AGBL4: variants seen among roughly 807,000 people sequenced by gnomAD.
The protein encoded by AGBL4 is AGBL carboxypeptidase 4.
In AGBL4, 58 loss-of-function variants were observed where a neutral mutation model predicts 66.4. The ratio of observed to expected loss-of-function variants is 0.87; its 90% CI spans 0.71 to 1.09. AGBL4 has a LOEUF of 1.09. AGBL4 is among the 50% of genes least tolerant of loss of function. The pLI, the probability that AGBL4 is intolerant of heterozygous loss-of-function variation, is 0.00. For missense variants in AGBL4, 579 were observed against 631.0 expected (o/e 0.92, Z 0.88); for synonymous variants, 234 against 222.9 (o/e 1.05, Z -0.44).
In AGBL4 at chr1:48,546,864, A is replaced by AC. The variant is rs1553185398; in HGVS notation, c.1268-7127_1268-7126insG. Among the ~76,000 whole-genome samples, 1,008 of 128,366 alleles carry AC rather than the reference A, an allele frequency of 7.9e-3. 6 individuals are homozygous for AC. The highest frequency in any genetic ancestry group is 0.01 in the African/African-American group (346 of 34,578). 84.2% of individuals were successfully genotyped at this position (128,366 alleles called of 152,430 possible). Reference sequence around the variant, plus strand: ...AAATAGCGAGGTAGTAAAACAAACAAACACACACACACACACACACACACA... The same window carrying AC: ...AAATAGCGAGGTAGTAAAACAAACAACACACACACACACACACACACACACA... On this transcript the variant is annotated intron_variant, in intron 11 of 13. Transcript: ENST00000371839.
chr1:48,974,654 C>G (rs1659172886), intron 5 of AGBL4, among the ~76,000 whole-genome samples: 1 of 152,062 alleles, frequency 6.6e-6, no homozygotes, highest in African/African-American at 2.4e-5. Flanking sequence ...ATTTGACTCA[C>G]CTATTTGGCG....
chr1:49,432,489 A>T (rs1409269176), intron 3 of AGBL4, among the ~76,000 whole-genome samples: 1 of 152,178 alleles, frequency 6.6e-6, no homozygotes, highest in Non-Finnish European at 1.5e-5. Context: ...ATACTACTGC[A>T]TATAGAACTT....
At chr1:48,928,856 A>G (rs900829072) in intron 5 of AGBL4, among the ~76,000 whole-genome samples, 3 of 152,224 alleles carry the variant, frequency 2.0e-5, no homozygotes, top group Non-Finnish European at 2.9e-5. Context: ...CTGAACTAAT[A>G]ATTTACTTTC....
chr1:48,959,794 G>C (rs1657803279), intron 5 of AGBL4, among the ~76,000 whole-genome samples: 1 of 152,224 alleles, frequency 6.6e-6, no homozygotes, highest in Admixed American at 6.5e-5. Flanking sequence ...AAAGAGGCCA[G>C]TGTGGCTACA....
rs958850528 is a variant in AGBL4 at position 49,967,253 on chromosome 1, C to T, written c.34+56510G>A. Among the ~76,000 whole-genome samples the T allele has an allele frequency of 3.3e-5, 5 of 152,088 alleles. No individual in the cohort carries two copies. In the South Asian group the frequency reaches 8.3e-4, roughly 25 times the overall value. On this transcript the variant is annotated intron_variant, in intron 1 of 13. Transcript: ENST00000371839. ...GTTTTGATTTGCATTTCTCTAATGA[C>T]CAGTGAACCGAAATGTCCATCAATA... is the stretch of plus-strand genomic sequence containing the variant.
intron 4 of AGBL4, among the ~76,000 whole-genome samples, chr1:49,173,363 C>T (rs61783577): frequency 1.3e-5 from 2 of 152,148 alleles, no homozygotes; most frequent in Admixed American, 6.5e-5. Flanking sequence ...TTAACTCCTC[C>T]AAACCCAATA....
At chr1:49,181,667 C>A (rs1646933081) in intron 4 of AGBL4, among the ~76,000 whole-genome samples, 1 of 152,208 alleles carries the variant, frequency 6.6e-6, no homozygotes, top group Non-Finnish European at 1.5e-5. Flanking sequence ...TGTGTCTCAT[C>A]TCCCTGGGAG....
intron 2 of AGBL4, among the ~76,000 whole-genome samples, chr1:49,713,036 T>G (rs1647794400): frequency 6.6e-6 from 1 of 152,042 alleles, no homozygotes; most frequent in Non-Finnish European, 1.5e-5. Flanking sequence ...TGTCTTCAAG[T>G]AAAAGTAACG....
intron 4 of AGBL4, among the ~76,000 whole-genome samples, chr1:49,100,135 G>T (rs1042455378): frequency 7.2e-5 from 11 of 152,298 alleles, no homozygotes; most frequent in Admixed American, 3.9e-4. Context: ...GTTCAAACCT[G>T]CTGAAGGAGG....
chr1:49,141,466 G>C (rs1433205854), intron 4 of AGBL4, among the ~76,000 whole-genome samples: 1 of 152,100 alleles, frequency 6.6e-6, no homozygotes, highest in Non-Finnish European at 1.5e-5. Flanking sequence ...CAGAGGAGAA[G>C]ACATGGTGCT....
chr1:49,537,152 G>C (rs1651660334), intron 3 of AGBL4, among the ~76,000 whole-genome samples: 1 of 152,100 alleles, frequency 6.6e-6, no homozygotes, highest in Non-Finnish European at 1.5e-5. Flanking sequence ...ACTCAAGATG[G>C]AATAAAGACT....
At position 48,668,003 on chromosome 1, in the gene AGBL4, T is replaced by TTTGTTGTTG. The variant is rs35572126; in HGVS notation, c.635-4771_635-4763dup. ...GTGGAATGTTATAATGGGGGAAGCA[T>TTTGTTGTTG]TTGTTGTTGTTGTTGTTGTTGTTGT... On this transcript the variant is annotated intron_variant, in intron 6 of 13. Transcript: ENST00000371839. Among the ~76,000 whole-genome samples the TTTGTTGTTG allele has an allele frequency of 1.2e-3, 178 of 150,216 alleles. No homozygotes were observed. The Middle Eastern group carries it at 0.021, about 17-fold the overall frequency.
rs367825761 is a variant in AGBL4, at chr1:49,372,178, T to C, written c.283-126314A>G. 2.2e-4 allele frequency among the ~76,000 whole-genome samples: 33 copies of C among 152,306 alleles called. 1 individual carries two copies. The East Asian group carries it at 4.0e-3, about 19-fold the overall frequency. On this transcript the variant is annotated intron_variant, in intron 3 of 13. Transcript: ENST00000371839. ...TGAGCAATGTTTTCCATTTTGAGCA[T>C]GCAGTATGCATCCCAGAACGCTCAA...
At chr1:48,807,733 A>C (rs1421661124) in intron 6 of AGBL4, among the ~76,000 whole-genome samples, 1 of 152,160 alleles carries the variant, frequency 6.6e-6, no homozygotes, top group Non-Finnish European at 1.5e-5. Flanking sequence ...TCTTGCACAC[A>C]TCTGCATATC....
chr1:48,732,365 T>C (rs1413446951), intron 6 of AGBL4, among the ~76,000 whole-genome samples: 1 of 152,218 alleles, frequency 6.6e-6, no homozygotes. Context: ...TTGGGAATCA[T>C]CATTCATTGA....
intron 2 of AGBL4, among the ~76,000 whole-genome samples, chr1:49,820,774 C>T (rs775975611): frequency 5.3e-5 from 8 of 152,120 alleles, no homozygotes; most frequent in African/African-American, 1.7e-4. Context: ...TGCTGAATAA[C>T]CAAAAGTTAA....
chr1:48,579,465 T>C (rs1644703360), intron 11 of AGBL4, among the ~76,000 whole-genome samples: 1 of 151,044 alleles, frequency 6.6e-6, no homozygotes, highest in African/African-American at 2.4e-5. Flanking sequence ...GGTCTCGAAC[T>C]CCTGACCTCA....
intron 4 of AGBL4, among the ~76,000 whole-genome samples, chr1:49,212,445 T>C (rs1648748161): frequency 6.6e-6 from 1 of 152,174 alleles, no homozygotes; most frequent in Non-Finnish European, 1.5e-5. Flanking sequence ...ACTGACGTTA[T>C]CAATTCTGGC....
At chr1:48,755,089 G>A (rs552667900) in intron 6 of AGBL4, among the ~76,000 whole-genome samples, 11 of 152,156 alleles carry the variant, frequency 7.2e-5, no homozygotes, top group Non-Finnish European at 1.0e-4. Context: ...AAATGAAGAC[G>A]TGTACGATTC....
Sources: allele counts gnomAD v4.1 joint callset (sites outside exome capture counted in the v4.1 genomes callset), GRCh38; gene constraint gnomAD v4.1.1; transcripts MANE v1.5; gene names NCBI Gene and HGNC (gene_info 2026-07-23, HGNC 2026-07-21).